The following ZNF385B variants were observed in gnomAD, a reference collection of about 807,000 sequenced individuals.
The protein encoded by ZNF385B is zinc finger protein 533.
Under a neutral mutation model 39.2 loss-of-function variants are expected in ZNF385B, and 23 were observed. That is an observed-to-expected ratio of 0.59 (90% confidence interval 0.42 to 0.83). The LOEUF (loss-of-function observed/expected upper bound fraction) is 0.83. ZNF385B is among the 40% of genes least tolerant of loss of function. ZNF385B has a pLI of 0.00. For missense variants in ZNF385B, 552 were observed against 598.9 expected, an observed-to-expected ratio of 0.92 and a Z score of 0.82; for synonymous variants, 205 against 222.6, an observed-to-expected ratio of 0.92 and a Z score of 0.70.
intron 3 of ZNF385B, among the ~76,000 whole-genome samples, chr2:179,662,012 T>C (rs1694537483): frequency 6.6e-6 from 1 of 152,246 alleles, no homozygotes; most frequent in Admixed American, 6.5e-5. Context: ...GTGATTTGGC[T>C]TTAATAATAA....
chr2:179,693,900 A>C (rs967378694), intron 3 of ZNF385B, among the ~76,000 whole-genome samples: 2 of 152,200 alleles, frequency 1.3e-5, no homozygotes, highest in East Asian at 3.8e-4. Flanking sequence ...CTCTAGACTA[A>C]ATCCTTAAAT....
At position 179,443,394 on chromosome 2, in the gene ZNF385B, C is replaced by T. The variant is rs752517613; in HGVS notation, c.1317G>A (p.Ala439=). The T allele has an allele frequency of 3.7e-6, 6 of 1,611,644 alleles. No homozygotes were observed. The highest frequency in any genetic ancestry group is 4.2e-6 in the Non-Finnish European group (5 of 1,179,238). ...GTGACAGCGCTGAGGACACGGCTGC[C>T]GCCGCTGCGAGAGGTGAGGACAGGA... is the stretch of plus-strand genomic sequence containing the variant. ...PAFLSSPLAA[A]AAVSSALSLP... The change falls in exon 10 of 10, where the codon GCG becomes GCA. Residue 439 remains alanine (A), a synonymous_variant. Coordinates refer to ENST00000410066, the MANE Select transcript of ZNF385B (RefSeq NM_152520.6).
intron 3 of ZNF385B, among the ~76,000 whole-genome samples, chr2:179,692,632 T>C: frequency 6.6e-6 from 1 of 152,212 alleles, no homozygotes; most frequent in East Asian, 1.9e-4. Flanking sequence ...ATTTCCTGTA[T>C]TTCACTCAGA....
chr2:179,640,754 A>G (rs1575065081), intron 3 of ZNF385B, among the ~76,000 whole-genome samples: 1 of 152,260 alleles, frequency 6.6e-6, no homozygotes, highest in East Asian at 1.9e-4. Context: ...CCCGTTTGGT[A>G]TTACACTTGG....
At chr2:179,822,355 G>A (rs955393693) in intron 1 of ZNF385B, among the ~76,000 whole-genome samples, 3 of 152,184 alleles carry the variant, frequency 2.0e-5, no homozygotes, top group African/African-American at 7.2e-5. Flanking sequence ...ACACTAACGT[G>A]TAAAACATTT....
chr2:179,684,923 T>A (rs1338649345), intron 3 of ZNF385B, among the ~76,000 whole-genome samples: 1 of 152,242 alleles, frequency 6.6e-6, no homozygotes, highest in Admixed American at 6.5e-5. Context: ...TAACATCTTT[T>A]AAGATAATTC....
chr2:179,443,568 C>T, intron 9 of ZNF385B, 100 bp from the exon 10 acceptor site: 3 of 936,344 alleles, frequency 3.2e-6, no homozygotes, highest in Non-Finnish European at 3.3e-6. Flanking sequence ...ATTAAGAAGT[C>T]TTAAATTTTG....
At chr2:179,783,053 G>A (rs1489101068) in intron 1 of ZNF385B, among the ~76,000 whole-genome samples, 2 of 152,112 alleles carry the variant, frequency 1.3e-5, no homozygotes, top group African/African-American at 4.8e-5. Context: ...GAGCAAAGCT[G>A]GAAGCATCAC....
chr2:179,546,469 T>C (rs2060241201), intron 3 of ZNF385B, among the ~76,000 whole-genome samples: 1 of 152,222 alleles, frequency 6.6e-6, no homozygotes, highest in Non-Finnish European at 1.5e-5. Context: ...AGTGGGAACA[T>C]GTGAAGTTTG....
intron 3 of ZNF385B, among the ~76,000 whole-genome samples, chr2:179,695,696 G>A (rs1433220534): frequency 6.6e-6 from 1 of 152,110 alleles, no homozygotes; most frequent in African/African-American, 2.4e-5. Flanking sequence ...CAAATAATAA[G>A]TTTTCATGAG....
chr2:179,670,052 G>A (rs1457194220), intron 3 of ZNF385B, among the ~76,000 whole-genome samples: 1 of 152,072 alleles, frequency 6.6e-6, no homozygotes, highest in African/African-American at 2.4e-5. Context: ...AGCACTTTGG[G>A]AGGCCGAGGC....
intron 4 of ZNF385B, among the ~76,000 whole-genome samples, chr2:179,531,169 C>G (rs148377557): frequency 1.3e-5 from 2 of 152,142 alleles, no homozygotes; most frequent in African/African-American, 4.8e-5. Flanking sequence ...CCTCAGGTAA[C>G]ACCTGAACCC....
chr2:179,666,501 T>C (rs1449343394), intron 3 of ZNF385B, among the ~76,000 whole-genome samples: 1 of 152,214 alleles, frequency 6.6e-6, no homozygotes, highest in Non-Finnish European at 1.5e-5. Context: ...ATGGAGAATA[T>C]AGTTTTAAGA....
chr2:179,643,608 G>T (rs1447033239), intron 3 of ZNF385B, among the ~76,000 whole-genome samples: 1 of 152,120 alleles, frequency 6.6e-6, no homozygotes, highest in East Asian at 1.9e-4. Context: ...AAAGAGGCCA[G>T]TTTCAAAAGG....
intron 4 of ZNF385B, 82 bp from the exon 5 acceptor site, chr2:179,518,720 T>G: frequency 2.6e-6 from 2 of 781,776 alleles, no homozygotes; most frequent in Non-Finnish European, 4.0e-6. Flanking sequence ...AGTTGAAATA[T>G]TCCATAAAGT....
At chr2:179,604,291 T>G (rs1688629079) in intron 3 of ZNF385B, among the ~76,000 whole-genome samples, 1 of 151,966 alleles carries the variant, frequency 6.6e-6, no homozygotes, top group African/African-American at 2.4e-5. Flanking sequence ...AATAAAAAAC[T>G]TTAAAGTATA....
Position 179,518,560 on chromosome 2 carries a change from A to G in ZNF385B, c.520T>C (p.Cys174Arg), listed in dbSNP as rs2058255512. The change falls in exon 5 of 10, where the codon TGT becomes CGT. Residue 174 changes from cysteine to arginine, a missense_variant. Physicochemically the swap from Cys to Arg is radical, Grantham distance 180. Transcript: ENST00000410066. The stretch of plus-strand genomic sequence containing the variant: ...TTAAAGCGAAGCTGACAGACATTAC[A>G]AGAAATAACTTGTTTCTTCTTTGGG... ...IPPKKKQVIS[C>R]NVCQLRFNSD... 1 of 1,609,344 alleles carries G rather than the reference A, an allele frequency of 6.2e-7. No homozygotes were observed. The highest frequency in any genetic ancestry group is 8.5e-7 in the Non-Finnish European group (1 of 1,178,528).
chr2:179,707,895 G>A (rs985541462), intron 3 of ZNF385B, among the ~76,000 whole-genome samples: 1 of 152,246 alleles, frequency 6.6e-6, no homozygotes, highest in Non-Finnish European at 1.5e-5. Context: ...AGCCAGAACA[G>A]TGGATCGCTA....
At chr2:179,494,464 A>G (rs951423132) in intron 5 of ZNF385B, among the ~76,000 whole-genome samples, 1 of 152,186 alleles carries the variant, frequency 6.6e-6, no homozygotes, top group African/African-American at 2.4e-5. Context: ...CTGACCAATC[A>G]GAAAGGCTTC....
Sources: gnomAD v4.1 joint callset for allele counts (sites outside exome capture counted in the v4.1 genomes callset) on GRCh38, gnomAD v4.1.1 for gene constraint, MANE v1.5 for transcripts, NCBI Gene and HGNC (gene_info 2026-07-23, HGNC 2026-07-21) for gene names.